Variants in MDGA1 observed in about 807,000 individuals in gnomAD.
The protein encoded by MDGA1 is MAM domain containing glycosylphosphatidylinositol anchor 1.
A neutral mutation model predicts 101.5 loss-of-function variants in MDGA1; 54 were observed. That is an observed-to-expected ratio of 0.53 (90% CI 0.43 to 0.67). The LOEUF is 0.67. MDGA1 is among the 30% of genes least tolerant of loss of function. The probability of loss-of-function intolerance (pLI) is 0.00; values close to 1 mark genes in which losing one functional copy is unlikely to be tolerated. For missense variants in MDGA1, 1,083 were observed against 1,323.8 expected, an observed-to-expected ratio of 0.82 and a Z score of 2.82; for synonymous variants, 533 against 558.3, an observed-to-expected ratio of 0.95 and a Z score of 0.64.
chr6:37,661,835 A>T (rs1219765471), intron 2 of MDGA1, among the ~76,000 whole-genome samples: 1 of 152,142 alleles, frequency 6.6e-6, no homozygotes, highest in East Asian at 1.9e-4. Flanking sequence ...AACAGGGGTT[A>T]TCATTCTGGT....
intron 1 of MDGA1, among the ~76,000 whole-genome samples, chr6:37,682,311 C>T (rs1406735718): frequency 1.3e-5 from 2 of 152,264 alleles, no homozygotes; most frequent in African/African-American, 4.8e-5. Context: ...ATAGCGAAAC[C>T]CGGTCTCTAC....
chr6:37,654,264 G>C lies in MDGA1; in HGVS notation c.982+10C>G, dbSNP rs761182984. 1 of 1,529,396 alleles carries C rather than the reference G, an allele frequency of 6.5e-7. No individual in the cohort carries two copies. The allele number at this position is 1,529,396 out of a possible 1,614,324, so 94.7% of individuals were successfully genotyped here. On this transcript the variant is annotated intron_variant, in intron 6 of 16. Transcript: ENST00000434837. ...ACAACTTCCCTCCCACCCCTTCTGA[G>C]GCCACGTACATCGCACCAGCAGGTT...
At position 37,673,698 on chromosome 6, in the gene MDGA1, G is replaced by A. The variant is rs375561554; in HGVS notation, c.68-9592C>T. Among the ~76,000 whole-genome samples, 8 of 152,184 alleles carry A rather than the reference G, an allele frequency of 5.3e-5. No individual in the cohort carries two copies. In the East Asian group the frequency reaches 1.6e-3, roughly 30 times the overall value. ...TGTCCTCTGTTCACCACCAGCCGGGGGTGGACCAGGTGACTTCTCGGAGGT... is the reference window on the plus strand; with the variant it reads ...TGTCCTCTGTTCACCACCAGCCGGGAGTGGACCAGGTGACTTCTCGGAGGT... On this transcript the variant is annotated intron_variant, in intron 1 of 16. Transcript: ENST00000434837.
intron 1 of MDGA1, among the ~76,000 whole-genome samples, chr6:37,692,593 C>T (rs1403825337): frequency 6.6e-6 from 1 of 152,096 alleles, no homozygotes; most frequent in African/African-American, 2.4e-5. Flanking sequence ...CCACTCCCGC[C>T]CCCAGGTATT....
At position 37,630,885 on chromosome 6, in the gene MDGA1, A is replaced by G. The variant is rs759091282; in HGVS notation, c.*6483T>C. On this transcript the variant is annotated 3_prime_UTR_variant, in exon 17 of 17. Coordinates refer to ENST00000434837, the MANE Select transcript of MDGA1 (RefSeq NM_153487.4). ...AGCCCCTCCAGCATGACGGTCTCAG[A>G]GCAACTCAGAGGACATCCTAGGTGG... 3.3e-5 allele frequency: 5 copies of G among 152,168 alleles called. No individual in the cohort carries two copies. The highest frequency in any genetic ancestry group is 5.9e-5 in the Non-Finnish European group (4 of 68,044). The allele number at this position is 152,168 out of a possible 1,614,324, so 9.4% of individuals were successfully genotyped here.
chr6:37,638,664 G>A lies in MDGA1; in HGVS notation c.2540C>T (p.Ser847Phe), dbSNP rs1291225878. ...CCGGGACCGCACCAGGAGGTTGAGGGAGCCTGCGGTGGGTGTGAAGACAGT... is the reference window on the plus strand; with the variant it reads ...CCGGGACCGCACCAGGAGGTTGAGGAAGCCTGCGGTGGGTGTGAAGACAGT... ...FYHMYGKHIG[S>F]LNLLVRSRNK... is the part of the protein sequence containing the mutation. Residue 847 changes from serine to phenylalanine, a missense_variant, in exon 15 of 17, where the codon TCC (serine) becomes TTC (phenylalanine). By Grantham distance (155) the Ser-to-Phe change is radical. Around this residue, in one of 3 missense-constraint regions of MDGA1, gnomAD observed 657 missense variants for 771.4 expected, o/e 0.85. Transcript: ENST00000434837. The surrounding 1 kb of genome is among the most constrained non-coding windows in gnomAD (Gnocchi z 4.8). 3.7e-6 allele frequency: 6 copies of A among 1,612,590 alleles called. No homozygotes were observed. The highest frequency in any genetic ancestry group is 5.1e-6 in the Non-Finnish European group (6 of 1,179,300).
chr6:37,679,590 C>A (rs1762051014), intron 1 of MDGA1, among the ~76,000 whole-genome samples: 1 of 152,190 alleles, frequency 6.6e-6, no homozygotes, highest in Non-Finnish European at 1.5e-5. Context: ...CGTGCCTGTA[C>A]ACAGAGCCTC....
intron 1 of MDGA1, among the ~76,000 whole-genome samples, chr6:37,665,629 T>C (rs1306721276): frequency 6.6e-6 from 1 of 152,186 alleles, no homozygotes; most frequent in Non-Finnish European, 1.5e-5. Context: ...CCACCAGCCA[T>C]AACTACACCT....
intron 2 of MDGA1, among the ~76,000 whole-genome samples, chr6:37,660,179 AT>A (rs35391424): frequency 0.56 from 80,533 of 145,086 alleles, 22,132 homozygotes; most frequent in East Asian, 0.68. Context: ...CACCTGGCTA[AT>A]TTTTTTTTTT....
chr6:37,675,246 T>G (rs1761954331), intron 1 of MDGA1, among the ~76,000 whole-genome samples: 1 of 152,132 alleles, frequency 6.6e-6, no homozygotes, highest in Admixed American at 6.5e-5. Context: ...AGTGACCAAG[T>G]GACCTTGGGA....
In MDGA1 at chr6:37,693,759, G is replaced by A. The variant is rs769928524; in HGVS notation, c.67+2986C>T. 3.3e-5 allele frequency among the ~76,000 whole-genome samples: 5 copies of A among 152,242 alleles called. No individual in the cohort carries two copies. The South Asian group carries it at 8.3e-4, about 25-fold the overall frequency. On this transcript the variant is annotated intron_variant, in intron 1 of 16. Transcript: ENST00000434837. Reference sequence around the variant, plus strand: ...AAAGCAGATTACAGGATCCACCCCAGAGGACAACAAACTGGGCCAGGAGAT... The same window carrying A: ...AAAGCAGATTACAGGATCCACCCCAAAGGACAACAAACTGGGCCAGGAGAT...
intron 1 of MDGA1, among the ~76,000 whole-genome samples, chr6:37,695,100 C>G (rs902072482): frequency 6.6e-6 from 1 of 151,926 alleles, no homozygotes; most frequent in Non-Finnish European, 1.5e-5. Flanking sequence ...ACAGGGATGA[C>G]CAGGAGTGGG....
At chr6:37,664,246 GC>G in intron 1 of MDGA1, 140 bp from the exon 2 acceptor site, 2 of 1,065,468 alleles carry the variant, frequency 1.9e-6, no homozygotes, top group Non-Finnish European at 2.7e-6. Flanking sequence ...ACCCCACTGA[GC>G]CCAGGAAAGA....
At position 37,649,230 on chromosome 6, in the gene MDGA1, C is replaced by A. The variant is rs1057414612; in HGVS notation, c.1646G>T (p.Arg549Leu). The change falls in exon 9 of 17, where the codon CGC becomes CTC. Residue 549 changes from arginine to leucine, a missense_variant. By Grantham distance (102) the Arg-to-Leu change is moderately radical. This residue lies in a region of MDGA1 where 657 missense variants were observed against 771.4 expected (regional missense o/e 0.85). Coordinates refer to ENST00000434837, the MANE Select transcript of MDGA1 (RefSeq NM_153487.4). ...PEVEPSSQDV[R>L]QALGRPVLLR... The stretch of plus-strand genomic sequence containing the variant: ...GAGCACGGGCCGGCCCAGCGCCTGG[C>A]GCACGTCCTGGGAACTGGGCTCCAC... 6.6e-7 allele frequency: 1 copy of A among 1,508,188 alleles called. No homozygotes were observed. Among genetic ancestry groups the A allele is most frequent in the Non-Finnish European group, 8.8e-7 (1 of 1,136,458 alleles). 93.4% of individuals were successfully genotyped at this position (1,508,188 alleles called of 1,614,324 possible). A position where few individuals can be genotyped will look rare whatever the true frequency, so the allele number is the denominator to read the frequency against.
chr6:37,671,312 G>A (rs1012571893), intron 1 of MDGA1, among the ~76,000 whole-genome samples: 1 of 152,184 alleles, frequency 6.6e-6, no homozygotes, highest in Non-Finnish European at 1.5e-5. Context: ...TTAACTCAGT[G>A]CTTTCTAAAC....
At chr6:37,646,879 T>A (rs1761214262) in intron 10 of MDGA1, among the ~76,000 whole-genome samples, 1 of 152,078 alleles carries the variant, frequency 6.6e-6, no homozygotes, top group African/African-American at 2.4e-5. Context: ...AAGAGTTGAT[T>A]CTATGTTCTG....
chr6:37,672,581 A>G (rs568872432), intron 1 of MDGA1, among the ~76,000 whole-genome samples: 2 of 152,294 alleles, frequency 1.3e-5, no homozygotes, highest in South Asian at 4.1e-4. Flanking sequence ...AAGGAGAAGG[A>G]GTGGCTGCAA....
In MDGA1 at chr6:37,637,356, A is replaced by G. The variant is rs1763952857; in HGVS notation, c.*12T>C. 1.2e-6 allele frequency: 2 copies of G among 1,609,160 alleles called. No homozygotes were observed. The highest frequency in any genetic ancestry group is 1.7e-5 in the Admixed American group (1 of 59,882). On this transcript the variant is annotated 3_prime_UTR_variant, in exon 17 of 17. Coordinates refer to ENST00000434837, the MANE Select transcript of MDGA1 (RefSeq NM_153487.4). Reference sequence around the variant, plus strand: ...CGGGGGCAAGGTTGGGGGGGTGGCCACACAGCTCTCATCATCTCTGCAACG... The same window carrying G: ...CGGGGGCAAGGTTGGGGGGGTGGCCGCACAGCTCTCATCATCTCTGCAACG...
chr6:37,693,802 G>A (rs1561867466), intron 1 of MDGA1, among the ~76,000 whole-genome samples: 1 of 152,226 alleles, frequency 6.6e-6, no homozygotes, highest in Non-Finnish European at 1.5e-5. Context: ...CGAGGAGGGA[G>A]GGAGAACTGG....
Sources: gnomAD v4.1 joint callset for allele counts (sites outside exome capture counted in the v4.1 genomes callset) on GRCh38, gnomAD v4.1.1 for gene constraint, gnomAD v4.1.1 regional missense constraint, Gnocchi (gnomAD v3.1) non-coding constraint, MANE v1.5 for transcripts, NCBI Gene and HGNC (gene_info 2026-07-23, HGNC 2026-07-21) for gene names.